Variants in XIRP2 observed in about 807,000 individuals in gnomAD.
XIRP2 encodes xin actin-binding repeat-containing protein 2.
A neutral mutation model predicts 277.0 loss-of-function variants in XIRP2; 236 were observed. The observed-to-expected ratio is 0.85, with a 90% CI of 0.77 to 0.95. XIRP2 has a LOEUF of 0.95. Ranked by LOEUF, XIRP2 falls within the 40% of genes least tolerant of loss-of-function variation. The pLI, the probability that XIRP2 is intolerant of heterozygous loss-of-function variation, is 0.00. For missense variants in XIRP2, 4,640 were observed against 4,157.5 expected (o/e 1.12, Z -3.19); for synonymous variants, 1,490 against 1,416.5 (o/e 1.05, Z -1.17).
intron 2 of XIRP2, among the ~76,000 whole-genome samples, chr2:167,000,074 T>C (rs1296731174): frequency 6.6e-6 from 1 of 152,142 alleles, no homozygotes. Context: ...CTGATAATAG[T>C]GTAAAACAAA....
intron 2 of XIRP2, among the ~76,000 whole-genome samples, chr2:167,114,515 T>A (rs1193441038): frequency 6.6e-6 from 1 of 152,118 alleles, no homozygotes; most frequent in African/African-American, 2.4e-5. Flanking sequence ...TACATATGTA[T>A]ACATGTGCCA....
chr2:167,187,911 G>C (rs1050378652), intron 3 of XIRP2, among the ~76,000 whole-genome samples: 4 of 152,088 alleles, frequency 2.6e-5, no homozygotes, highest in Admixed American at 2.6e-4. Flanking sequence ...GTATTTCTTG[G>C]AATTTGTTGA....
chr2:166,892,137 C>G (rs1684120661), intron 1 of XIRP2, among the ~76,000 whole-genome samples: 1 of 152,128 alleles, frequency 6.6e-6, no homozygotes, highest in Non-Finnish European at 1.5e-5. Context: ...GAGAAACCCA[C>G]TAGAAAAATT....
intron 2 of XIRP2, among the ~76,000 whole-genome samples, chr2:167,055,726 T>C (rs936514431): frequency 5.3e-5 from 8 of 152,184 alleles, no homozygotes; most frequent in African/African-American, 1.9e-4. Flanking sequence ...TAAGAAGGTA[T>C]ATTTGAAGTA....
intron 2 of XIRP2, among the ~76,000 whole-genome samples, chr2:167,033,269 A>G (rs1271921064): frequency 6.6e-6 from 1 of 152,050 alleles, no homozygotes; most frequent in Non-Finnish European, 1.5e-5. Flanking sequence ...GGAGGGGGAC[A>G]TCACACACTG....
Position 167,230,211 on chromosome 2 carries a change from C to T in XIRP2, c.859-9644C>T, listed in dbSNP as rs998061254. On this transcript the variant is annotated intron_variant, in intron 5 of 10. Coordinates refer to ENST00000409195, the MANE Select transcript of XIRP2 (RefSeq NM_152381.6). ...TTACAATAATCTAATAGCAATTCAACGTATAGCAGTGTTTAAAAACATTGG... is the reference window on the plus strand; with the variant it reads ...TTACAATAATCTAATAGCAATTCAATGTATAGCAGTGTTTAAAAACATTGG... Among the ~76,000 whole-genome samples, 12 of 152,212 alleles carry T rather than the reference C, an allele frequency of 7.9e-5. No homozygotes were observed. The South Asian group carries it at 1.0e-3, about 13-fold the overall frequency.
At chr2:167,080,035 T>A (rs1689686899) in intron 2 of XIRP2, among the ~76,000 whole-genome samples, 1 of 151,984 alleles carries the variant, frequency 6.6e-6, no homozygotes, top group Admixed American at 6.6e-5. Context: ...TAAAATAAAA[T>A]AAAATAAAAC....
chr2:167,218,815 A>G (rs879766156), intron 5 of XIRP2, among the ~76,000 whole-genome samples: 10 of 152,132 alleles, frequency 6.6e-5, no homozygotes, highest in Non-Finnish European at 1.3e-4. Context: ...GTTATCTTAT[A>G]TAAATTTTTT....
intron 2 of XIRP2, among the ~76,000 whole-genome samples, chr2:167,072,233 G>A (rs1029207008): frequency 3.3e-5 from 5 of 152,022 alleles, no homozygotes; most frequent in African/African-American, 1.2e-4. Context: ...GTAACATTTT[G>A]CCTCTCTGGA....
In XIRP2 at chr2:167,247,568, G is replaced by C; in HGVS notation, c.6176G>C (p.Gly2059Ala). 6.2e-7 allele frequency: 1 copy of C among 1,613,634 alleles called. No homozygotes were observed. The highest frequency in any genetic ancestry group is 8.5e-7 in the Non-Finnish European group (1 of 1,179,750). Residue 2059 changes from glycine (G) to alanine (A), a missense_variant, in exon 9 of 11, where the codon GGA becomes GCA. Gly to Ala is a moderately conservative substitution (Grantham distance 60, BLOSUM62 0). Transcript: ENST00000409195. ...SHHKSNVLESGDKTGVWTDTT... is the reference protein window; with the variant it reads ...SHHKSNVLESADKTGVWTDTT... ...CATAAATCTAATGTTTTGGAATCAG[G>C]AGACAAAACGGGTGTCTGGACTGAT...
At chr2:167,219,846 A>G (rs1694371135) in intron 5 of XIRP2, among the ~76,000 whole-genome samples, 1 of 152,212 alleles carries the variant, frequency 6.6e-6, no homozygotes, top group Non-Finnish European at 1.5e-5. Context: ...AATGTGACAA[A>G]GAGCAATTTA....
chr2:166,936,737 A>G (rs1685528872), intron 2 of XIRP2, among the ~76,000 whole-genome samples: 1 of 152,014 alleles, frequency 6.6e-6, no homozygotes, highest in Non-Finnish European at 1.5e-5. Context: ...GTGTGGTATT[A>G]CTTCTGAGGG....
intron 8 of XIRP2, 53 bp downstream of exon 8, chr2:167,241,963 T>A: frequency 6.7e-7 from 1 of 1,496,106 alleles, no homozygotes; most frequent in Non-Finnish European, 8.9e-7. Flanking sequence ...CAAGCTTAAA[T>A]GTGTAACATT....
intron 2 of XIRP2, among the ~76,000 whole-genome samples, chr2:167,002,153 A>G (rs1465109957): frequency 2.0e-5 from 3 of 152,222 alleles, no homozygotes; most frequent in Non-Finnish European, 4.4e-5. Flanking sequence ...CCAAAATATA[A>G]TTGTATAACT....
chr2:167,150,024 T>C (rs1360249451), intron 3 of XIRP2, among the ~76,000 whole-genome samples: 1 of 151,934 alleles, frequency 6.6e-6, no homozygotes, highest in Non-Finnish European at 1.5e-5. Context: ...ATTTGAGTGA[T>C]GGGTTCAACA....
intron 2 of XIRP2, among the ~76,000 whole-genome samples, chr2:167,124,733 C>CT (rs765826426): frequency 3.9e-5 from 6 of 152,126 alleles, no homozygotes; most frequent in Non-Finnish European, 8.8e-5. Flanking sequence ...GGAAAGCTTC[C>CT]TAAACCAGGT....
intron 5 of XIRP2, among the ~76,000 whole-genome samples, chr2:167,227,771 A>G (rs1694647544): frequency 6.6e-6 from 1 of 152,180 alleles, no homozygotes; most frequent in Admixed American, 6.5e-5. Context: ...AAATATGTTA[A>G]AACATTAAAA....
At chr2:167,237,780 T>C (rs1165466997) in intron 5 of XIRP2, among the ~76,000 whole-genome samples, 1 of 152,174 alleles carries the variant, frequency 6.6e-6, no homozygotes, top group Admixed American at 6.5e-5. Context: ...GCTACTTCAC[T>C]GTTTAATTGG....
At chr2:167,204,892 T>G (rs979808858) in intron 3 of XIRP2, among the ~76,000 whole-genome samples, 2 of 152,224 alleles carry the variant, frequency 1.3e-5, no homozygotes, top group African/African-American at 4.8e-5. Context: ...CAAAGATTCA[T>G]AATTTTTAAA....
Sources: allele counts gnomAD v4.1 joint callset (sites outside exome capture counted in the v4.1 genomes callset), GRCh38; gene constraint gnomAD v4.1.1; transcripts MANE v1.5; gene names NCBI Gene and HGNC (gene_info 2026-07-23, HGNC 2026-07-21).